The following CEACAM20 variants were observed in gnomAD, a reference collection of about 807,000 sequenced individuals.
The protein encoded by CEACAM20 is CEA cell adhesion molecule 20, also known as cell adhesion molecule CEACAM20.
In CEACAM20, 50 loss-of-function variants were observed where a neutral mutation model predicts 61.2. The observed-to-expected ratio is 0.82, with a 90% CI of 0.65 to 1.03. CEACAM20 has a LOEUF of 1.03. Among genes scored for constraint, CEACAM20 ranks in the 50% least tolerant of loss-of-function variants. The pLI is 0.00. For synonymous variants in CEACAM20, 282 were observed against 287.7 expected, an observed-to-expected ratio of 0.98 and a Z score of 0.20; for missense variants, 683 against 736.4, an observed-to-expected ratio of 0.93 and a Z score of 0.84.
intron 4 of CEACAM20, among the ~76,000 whole-genome samples, chr19:44,521,784 C>T (rs909327052): frequency 5.9e-5 from 9 of 151,892 alleles, no homozygotes; most frequent in South Asian, 2.1e-4. Flanking sequence ...CAGTTGTGTA[C>T]GTATTATATA....
chr19:44,518,638 G>A (rs10409769), intron 5 of CEACAM20, among the ~76,000 whole-genome samples: 27,083 of 151,904 alleles, frequency 0.18, 3,676 homozygotes, highest in African/African-American at 0.36. Flanking sequence ...GTAAAATACT[G>A]GAAAGGATGC....
intron 11 of CEACAM20, among the ~76,000 whole-genome samples, chr19:44,506,785 C>A (rs1421315248): frequency 1.3e-5 from 2 of 152,206 alleles, no homozygotes; most frequent in Non-Finnish European, 2.9e-5. Context: ...TCAGATGAGA[C>A]CTGGGCTTTG....
At chr19:44,525,379 T>A (rs1185613696) in intron 1 of CEACAM20, 135 bp from the exon 2 acceptor site, 6 of 732,584 alleles carry the variant, frequency 8.2e-6, no homozygotes, top group Non-Finnish European at 1.3e-5. Context: ...GTCCTACTCG[T>A]TACTTACAGC....
intron 1 of CEACAM20, among the ~76,000 whole-genome samples, chr19:44,529,233 G>A (rs1166320461): frequency 6.6e-6 from 1 of 151,740 alleles, no homozygotes; most frequent in Non-Finnish European, 1.5e-5. Flanking sequence ...CCAAAGTGCT[G>A]GGATTACAGA....
rs766258921 is a variant in CEACAM20 at position 44,517,221 on chromosome 19, C to T, written c.1034G>A (p.Gly345Asp). 9 of 1,603,888 alleles carry T rather than the reference C, an allele frequency of 5.6e-6. No homozygotes were observed. Among genetic ancestry groups the T allele is most frequent in the Middle Eastern group, 1.6e-4 (1 of 6,082 alleles). Reference sequence around the variant, plus strand: ...CCTGGTGATGTGCACTTGGTCAGGACCATCTGTGTGTAAAGCCAAACGTGA... The same window carrying T: ...CCTGGTGATGTGCACTTGGTCAGGATCATCTGTGTGTAAAGCCAAACGTGA... The part of the protein sequence containing the change: ...SEPLELTINY[G>D]PDQVHITRES... The change falls in exon 6 of 12, where the codon GGT (glycine) becomes GAT (aspartate). Residue 345 changes from glycine (G) to aspartate (D), a missense_variant. By Grantham distance (94) the Gly-to-Asp change is moderately conservative (BLOSUM62 -1). Coordinates refer to ENST00000614924, the MANE Select transcript of CEACAM20 (RefSeq NM_001102597.3).
At chr19:44,521,537 TGTGA>T (rs971534108) in intron 4 of CEACAM20, among the ~76,000 whole-genome samples, 2 of 152,050 alleles carry the variant, frequency 1.3e-5, no homozygotes, top group Non-Finnish European at 2.9e-5. Context: ...GTGTGTGTGT[TGTGA>T]GTTTGTGTAT....
At chr19:44,514,307 C>A (rs1382524683) in intron 6 of CEACAM20, among the ~76,000 whole-genome samples, 1 of 152,172 alleles carries the variant, frequency 6.6e-6, no homozygotes, top group Non-Finnish European at 1.5e-5. Context: ...CTGCCTGAAC[C>A]TCTCTCAAAA....
intron 2 of CEACAM20, among the ~76,000 whole-genome samples, chr19:44,524,814 C>T (rs1971477498): frequency 6.6e-6 from 1 of 151,874 alleles, no homozygotes; most frequent in African/African-American, 2.4e-5. Context: ...CTCCTGGGCT[C>T]AAGTAATCCA....
At chr19:44,525,012 G>T in intron 2 of CEACAM20, 89 bp downstream of exon 2, 1 of 1,527,316 alleles carries the variant, frequency 6.5e-7, no homozygotes, top group Non-Finnish European at 8.9e-7. Flanking sequence ...AATCAGATTC[G>T]TCCTCTGGGG....
chr19:44,525,858 G>A (rs989783120), intron 1 of CEACAM20, among the ~76,000 whole-genome samples: 2 of 152,164 alleles, frequency 1.3e-5, no homozygotes, highest in African/African-American at 2.4e-5. Context: ...AACTTTGACT[G>A]GGTCCCCTGA....
intron 2 of CEACAM20, 98 bp from the exon 3 acceptor site, chr19:44,524,359 G>T: frequency 7.6e-7 from 1 of 1,310,964 alleles, no homozygotes; most frequent in South Asian, 1.4e-5. Context: ...GACTAGATTG[G>T]AATTGCCAGA....
chr19:44,522,638 T>C lies in CEACAM20; in HGVS notation c.747A>G (p.Val249=). 1.2e-6 allele frequency: 2 copies of C among 1,612,586 alleles called. No individual in the cohort carries two copies. Among genetic ancestry groups the C allele is most frequent in the Non-Finnish European group, 8.5e-7 (1 of 1,179,010 alleles). The change falls in exon 4 of 12, where the codon GTA becomes GTG. Residue 249 remains valine, a synonymous_variant. Transcript: ENST00000614924. ...GAACCGGGAAAGGAGACTCACCAAG[T>C]ACTCGGACCTTCAGAGTACCCAGGC... ...LSSLGTLKVR[V]LETLTMPQVV... is the part of the protein sequence containing the mutation.
chr19:44,528,485 A>G (rs964423968), intron 1 of CEACAM20, among the ~76,000 whole-genome samples: 1 of 152,040 alleles, frequency 6.6e-6, no homozygotes, highest in Non-Finnish European at 1.5e-5. Flanking sequence ...TGGCCCCCCA[A>G]AGTGCTGGGA....
At chr19:44,526,514 T>A (rs879931252) in intron 1 of CEACAM20, among the ~76,000 whole-genome samples, 88 of 142,202 alleles carry the variant, frequency 6.2e-4, no homozygotes, top group Non-Finnish European at 1.2e-3. Flanking sequence ...AAAAAAAAAA[T>A]AGAAACACAC....
At chr19:44,518,091 AAAGAAAGAAAGAAAGGAAGG>A (rs1049287612) in intron 5 of CEACAM20, among the ~76,000 whole-genome samples, 142 of 106,234 alleles carry the variant, frequency 1.3e-3, no homozygotes, top group Non-Finnish European at 2.2e-3. Flanking sequence ...GGAAAGAAAG[AAAGAAAGAAAGAAAGGAAGG>A]AAGGAAGGAA....
intron 11 of CEACAM20, among the ~76,000 whole-genome samples, chr19:44,508,974 G>GTAAA (rs1391717734): frequency 2.0e-5 from 3 of 152,124 alleles, no homozygotes; most frequent in Non-Finnish European, 4.4e-5. Context: ...ATGTGGGGAA[G>GTAAA]TAAATATCAT....
Position 44,519,014 on chromosome 19 carries a change from G to A in CEACAM20, c.1030+1460C>T, listed in dbSNP as rs892806191. Among the ~76,000 whole-genome samples the A allele has an allele frequency of 3.9e-5, 6 of 152,000 alleles. No homozygotes were observed. In the East Asian group the frequency reaches 7.7e-4, roughly 20 times the overall value. On this transcript the variant is annotated intron_variant, in intron 5 of 11. Transcript: ENST00000614924. Reference sequence around the variant, plus strand: ...CTCATTCAGGAATTAAATCCCACTCGGAGATTCCATCCTTGTTACACTCTC... The same window carrying A: ...CTCATTCAGGAATTAAATCCCACTCAGAGATTCCATCCTTGTTACACTCTC...
chr19:44,511,196 A>G (rs1970988986), intron 10 of CEACAM20, 41 bp from the exon 11 acceptor site: 3 of 1,608,416 alleles, frequency 1.9e-6, no homozygotes, highest in Admixed American at 1.7e-5. Flanking sequence ...CCACAGACAC[A>G]GATTGCCAGG....
chr19:44,516,529 T>C (rs1971159808), intron 6 of CEACAM20, among the ~76,000 whole-genome samples: 1 of 152,210 alleles, frequency 6.6e-6, no homozygotes. Flanking sequence ...CATTCTCTCT[T>C]GTCTGCCACC....
Sources: gnomAD v4.1 joint callset for allele counts (sites outside exome capture counted in the v4.1 genomes callset) on GRCh38, gnomAD v4.1.1 for gene constraint, MANE v1.5 for transcripts, NCBI Gene and HGNC (gene_info 2026-07-23, HGNC 2026-07-21) for gene names.